Variants in NRXN3 observed in about 807,000 individuals in gnomAD.
The protein encoded by NRXN3 is neurexin III.
A neutral mutation model predicts 137.6 loss-of-function variants in NRXN3; 32 were observed. The observed-to-expected ratio is 0.23, with a 90% confidence interval of 0.18 to 0.31. NRXN3 has a LOEUF of 0.31. Ranked by LOEUF, NRXN3 falls within the 10% of genes least tolerant of loss-of-function variation. The pLI is 1.00. For synonymous variants in NRXN3, 798 were observed against 784.5 expected (o/e 1.02, Z -0.29); for missense variants, 1,574 against 2,062.5 (o/e 0.76, Z 4.59).
intron 15 of NRXN3, among the ~76,000 whole-genome samples, chr14:79,075,517 G>T (rs1447216357): frequency 6.6e-6 from 1 of 152,058 alleles, no homozygotes; most frequent in Non-Finnish European, 1.5e-5. Flanking sequence ...CTGAAATTTC[G>T]ACTTTATAAA....
chr14:79,417,007 G>T (rs1242712065), intron 15 of NRXN3, among the ~76,000 whole-genome samples: 1 of 152,116 alleles, frequency 6.6e-6, no homozygotes, highest in Non-Finnish European at 1.5e-5. Context: ...AGGCAGTAGA[G>T]AATAGAACTT....
At chr14:79,270,497 G>T (rs541403555) in intron 15 of NRXN3, among the ~76,000 whole-genome samples, 1 of 152,138 alleles carries the variant, frequency 6.6e-6, no homozygotes, top group Non-Finnish European at 1.5e-5. Context: ...CCAAGGAAAC[G>T]ATTGAGCAGA....
At chr14:78,906,513 T>A (rs2099217200) in intron 10 of NRXN3, among the ~76,000 whole-genome samples, 1 of 152,064 alleles carries the variant, frequency 6.6e-6, no homozygotes, top group Admixed American at 6.6e-5. Context: ...CCCTTAACCA[T>A]TTATTACTAT....
intron 10 of NRXN3, among the ~76,000 whole-genome samples, chr14:78,948,266 C>T (rs2099372570): frequency 6.6e-6 from 1 of 152,156 alleles, no homozygotes; most frequent in African/African-American, 2.4e-5. Flanking sequence ...TGAATGCCTC[C>T]CAGGATTTTC....
At chr14:79,095,599 A>G (rs778897363) in intron 15 of NRXN3, among the ~76,000 whole-genome samples, 3 of 152,150 alleles carry the variant, frequency 2.0e-5, no homozygotes, top group Non-Finnish European at 2.9e-5. Context: ...TGTTGAAGAT[A>G]AAACAGTTAA....
rs2098459579 is a variant in NRXN3, at chr14:79,647,956, G to A, written c.3445-15822G>A. ...TGATGAAGTTAAGCTTTAAGGCCAG[G>A]CCTGTCTACTCAAAAGCCTGTGATT... On this transcript the variant is annotated intron_variant, in intron 16 of 20. Coordinates refer to ENST00000335750, the MANE Select transcript of NRXN3 (RefSeq NM_001330195.2). Among the ~76,000 whole-genome samples, 2 of 134,642 alleles carry A rather than the reference G, an allele frequency of 1.5e-5. 1 individual carries two copies. Among genetic ancestry groups the A allele is most frequent in the Non-Finnish European group, 3.4e-5 (2 of 58,004 alleles). The allele number at this position is 134,642 out of a possible 152,430, so 88.3% of individuals were successfully genotyped here. A position where few individuals can be genotyped will look rare whatever the true frequency, so the allele number is the denominator to read the frequency against.
chr14:79,234,327 T>TATTAC (rs2072944165), intron 15 of NRXN3, among the ~76,000 whole-genome samples: 9 of 116,596 alleles, frequency 7.7e-5, no homozygotes, highest in African/African-American at 3.1e-4. Flanking sequence ...TATATATATA[T>TATTAC]ATATATATAT....
intron 16 of NRXN3, among the ~76,000 whole-genome samples, chr14:79,650,163 G>A (rs541487010): frequency 6.0e-4 from 92 of 152,232 alleles, no homozygotes; most frequent in African/African-American, 2.1e-3. Context: ...CACATCTAGC[G>A]TCAGAAGCGT....
chr14:78,419,728 G>A (rs1319873438), intron 4 of NRXN3, among the ~76,000 whole-genome samples: 3 of 152,118 alleles, frequency 2.0e-5, no homozygotes, highest in Non-Finnish European at 2.9e-5. Context: ...ATAATTAAAG[G>A]TTAAACAAAG....
At position 78,665,683 on chromosome 14, in the gene NRXN3, T is replaced by C. The variant is rs2097879457; in HGVS notation, c.1221+14357T>C. ...AGCACTCAGTTACACACACAAAACC[T>C]TGGGGAGAGGCCATTCCAATCCAAG... On this transcript the variant is annotated intron_variant, in intron 6 of 20. Coordinates refer to ENST00000335750, the MANE Select transcript of NRXN3 (RefSeq NM_001330195.2). Among the ~76,000 whole-genome samples the C allele has an allele frequency of 2.0e-5, 3 of 151,982 alleles. No homozygotes were observed. The South Asian group carries it at 6.2e-4, about 32-fold the overall frequency.
intron 11 of NRXN3, among the ~76,000 whole-genome samples, chr14:78,959,833 T>C (rs993683778): frequency 2.0e-5 from 3 of 152,144 alleles, no homozygotes; most frequent in African/African-American, 7.2e-5. Context: ...CCTCTGGGCT[T>C]GTCTCTGAAG....
At chr14:79,672,703 G>T (rs1006477762) in intron 17 of NRXN3, among the ~76,000 whole-genome samples, 1 of 151,926 alleles carries the variant, frequency 6.6e-6, no homozygotes, top group Non-Finnish European at 1.5e-5. Flanking sequence ...CTCTAATTAC[G>T]AAAACTTAGA....
intron 9 of NRXN3, among the ~76,000 whole-genome samples, chr14:78,809,723 G>A (rs1278981068): frequency 6.6e-6 from 1 of 152,094 alleles, no homozygotes; most frequent in African/African-American, 2.4e-5. Flanking sequence ...CCTAAGGAGA[G>A]GGTGGAGGGA....
chr14:78,550,079 G>T (rs2152182694), intron 4 of NRXN3, among the ~76,000 whole-genome samples: 1 of 142,954 alleles, frequency 7.0e-6, no homozygotes, highest in South Asian at 2.2e-4. Context: ...TGTCACCCAG[G>T]TTGGAGTGCA....
intron 14 of NRXN3, among the ~76,000 whole-genome samples, chr14:78,975,981 G>A (rs1159770564): frequency 2.0e-5 from 3 of 152,158 alleles, no homozygotes; most frequent in African/African-American, 7.2e-5. Flanking sequence ...TTGCTGAGCA[G>A]TGCAGTCTTT....
chr14:78,887,013 T>G (rs560874748), intron 10 of NRXN3, among the ~76,000 whole-genome samples: 3 of 152,144 alleles, frequency 2.0e-5, no homozygotes, highest in Non-Finnish European at 4.4e-5. Flanking sequence ...TGTAAGCCTC[T>G]TTAGTCTTTG....
At chr14:79,723,719 T>A (rs1288130718) in intron 19 of NRXN3, among the ~76,000 whole-genome samples, 1 of 152,136 alleles carries the variant, frequency 6.6e-6, no homozygotes, top group African/African-American at 2.4e-5. Context: ...ATCTCCAAAA[T>A]TAATTGTTAC....
chr14:78,442,983 A>G (rs2094307126), intron 4 of NRXN3, among the ~76,000 whole-genome samples: 2 of 152,184 alleles, frequency 1.3e-5, no homozygotes, highest in Non-Finnish European at 2.9e-5. Context: ...ATTTGAGGAA[A>G]TGGACAGAGG....
At chr14:79,839,807 A>G (rs1237232017) in intron 20 of NRXN3, among the ~76,000 whole-genome samples, 1 of 152,208 alleles carries the variant, frequency 6.6e-6, no homozygotes, top group Admixed American at 6.5e-5. Flanking sequence ...AAGGGAATCA[A>G]ATCATTCAGA....
Sources: gnomAD v4.1 joint callset for allele counts (sites outside exome capture counted in the v4.1 genomes callset) on GRCh38, gnomAD v4.1.1 for gene constraint, MANE v1.5 for transcripts, NCBI Gene and HGNC (gene_info 2026-07-23, HGNC 2026-07-21) for gene names.